FDFT1: variants seen among roughly 807,000 people sequenced by gnomAD.
FDFT1 encodes farnesyl-diphosphate farnesyltransferase 1.
In FDFT1, 68 loss-of-function variants were observed where a neutral mutation model predicts 46.8. The ratio of observed to expected loss-of-function variants is 1.45; its 90% CI spans 1.19 to 1.78. The LOEUF (loss-of-function observed/expected upper bound fraction) is 1.78, where lower values mean the gene tolerates loss of function less well. Among genes scored for constraint, FDFT1 ranks in the 40% most tolerant of loss-of-function variants. FDFT1 has a pLI of 0.00. For missense variants in FDFT1, 928 were observed against 524.4 expected, an observed-to-expected ratio of 1.77 and a Z score of -7.52; for synonymous variants, 351 against 185.1, an observed-to-expected ratio of 1.90 and a Z score of -7.28.
chr8:11,797,638 C>CAAAAAAAAAAAAA (rs34350077), upstream of FDFT1, among the ~76,000 whole-genome samples: 2 of 75,512 alleles, frequency 2.6e-5, no homozygotes, highest in Non-Finnish European at 4.6e-5. Context: ...CACACACACT[C>CAAAAAAAAAAAAA]AAAAAAAAAA....
rs961226120 is a variant in FDFT1 at position 11,832,614 on chromosome 8, C to G, written c.1032+944C>G. Among the ~76,000 whole-genome samples, 4 of 139,840 alleles carry G rather than the reference C, an allele frequency of 2.9e-5. No individual in the cohort carries two copies. The East Asian group carries it at 6.8e-4, about 24-fold the overall frequency. The allele number at this position is 139,840 out of a possible 152,430, so 91.7% of individuals were successfully genotyped here. A position where few individuals can be genotyped will look rare whatever the true frequency, so the allele number is the denominator to read the frequency against. ...AGAAGTCTTTGTAATCTCTAATAATCTCTAGGCCCTAGAGCAGTGGTTTGT... is the reference window on the plus strand; with the variant it reads ...AGAAGTCTTTGTAATCTCTAATAATGTCTAGGCCCTAGAGCAGTGGTTTGT... On this transcript the variant is annotated intron_variant, in intron 7 of 7. Transcript: ENST00000220584.
chr8:11,801,780 G>T, upstream of FDFT1: 1 of 361,272 alleles, frequency 2.8e-6, no homozygotes, highest in Non-Finnish European at 5.4e-6. Flanking sequence ...TGCAAACTCC[G>T]CTTCCCGGGT....
At chr8:11,796,277 G>C (rs1805558108) in intron 1 of FDFT1, among the ~76,000 whole-genome samples, 1 of 152,198 alleles carries the variant, frequency 6.6e-6, no homozygotes, top group Admixed American at 6.5e-5. Flanking sequence ...TTTGTGTTCT[G>C]AGCTTTCTAG....
chr8:11,802,605 C>G (rs368877328), upstream of FDFT1: 1 of 600,928 alleles, frequency 1.7e-6, no homozygotes, highest in African/African-American at 1.9e-5. Context: ...GTGAGCGGCC[C>G]TGGCCAATCA....
intron 7 of FDFT1, 152 bp from the exon 8 acceptor site, chr8:11,838,236 G>A: frequency 1.5e-6 from 1 of 648,446 alleles, no homozygotes; most frequent in Non-Finnish European, 2.7e-6. Context: ...TCATTGGGAT[G>A]GCTTTGGGTA....
chr8:11,812,319 G>A (rs1276156303), intron 3 of FDFT1, among the ~76,000 whole-genome samples: 3 of 152,216 alleles, frequency 2.0e-5, no homozygotes, highest in South Asian at 4.1e-4. Flanking sequence ...AGGTGGGAAC[G>A]TGCCACCATT....
intron 4 of FDFT1, among the ~76,000 whole-genome samples, chr8:11,822,384 A>G (rs539747355): frequency 6.6e-6 from 1 of 152,328 alleles, no homozygotes; most frequent in African/African-American, 2.4e-5. Flanking sequence ...CATGGTCACT[A>G]CGTTAGTGTA....
chr8:11,820,764 A>G (rs555699944), intron 3 of FDFT1, among the ~76,000 whole-genome samples: 1 of 152,216 alleles, frequency 6.6e-6, no homozygotes, highest in Non-Finnish European at 1.5e-5. Context: ...TCCTCCAGGT[A>G]CAGTCACTCA....
Position 11,838,442 on chromosome 8 carries a change from A to G in FDFT1, c.1087A>G (p.Ile363Val), listed in dbSNP as rs759430126. 1 of 1,610,952 alleles carries G rather than the reference A, an allele frequency of 6.2e-7. No individual in the cohort carries two copies. Among genetic ancestry groups the G allele is most frequent in the Non-Finnish European group, 8.5e-7 (1 of 1,178,280 alleles). ...ATCTTCTAGCAAAACAAGGCAGATC[A>G]TCTCCACCATCCGGACGCAGAATCT... ...DPSSSKTRQI[I>V]STIRTQNLPN... The change falls in exon 8 of 8, where the codon ATC becomes GTC. Residue 363 changes from isoleucine (I) to valine (V), a missense_variant. Transcript: ENST00000220584.
At chr8:11,804,638 C>T (rs1806584552) in intron 1 of FDFT1, among the ~76,000 whole-genome samples, 1 of 117,028 alleles carries the variant, frequency 8.5e-6, no homozygotes, top group Non-Finnish European at 1.6e-5. Flanking sequence ...GAGTCTTGCT[C>T]TGTTACCCAG....
intron 7 of FDFT1, among the ~76,000 whole-genome samples, chr8:11,837,692 G>C (rs773239800): frequency 1.3e-5 from 2 of 152,156 alleles, no homozygotes; most frequent in Non-Finnish European, 2.9e-5. Context: ...GCATCAAGCA[G>C]AGGTTTGAGA....
rs139354492 is a variant in FDFT1, at chr8:11,821,827, G to A, written c.459G>A (p.Gly153=). The part of the protein sequence containing the change: ...IADICRRMGI[G]MAEFLDKHVT... ...ACATTTGCCGGAGAATGGGCATTGG[G>A]ATGGCAGAGTTTTTGGATAAGCATG... Residue 153 remains glycine, a synonymous_variant, in exon 4 of 8, where the codon GGG becomes GGA. Transcript: ENST00000220584. The A allele has an allele frequency of 7.7e-3, 12,410 of 1,613,724 alleles. 71 individuals carry two copies. The highest frequency in any genetic ancestry group is 9.6e-3 in the Non-Finnish European group (11,372 of 1,179,680).
chr8:11,823,616 C>A (rs980814463), intron 4 of FDFT1, among the ~76,000 whole-genome samples: 1 of 152,074 alleles, frequency 6.6e-6, no homozygotes, highest in Non-Finnish European at 1.5e-5. Flanking sequence ...ACTCTGTCAC[C>A]CAGACTGGAA....
chr8:11,819,972 T>C (rs189769596), intron 3 of FDFT1, among the ~76,000 whole-genome samples: 45 of 152,236 alleles, frequency 3.0e-4, no homozygotes, highest in African/African-American at 1.1e-3. Context: ...TTTCTCCCCA[T>C]CTTTGTGGTT....
chr8:11,836,211 C>G (rs909729787), intron 7 of FDFT1, among the ~76,000 whole-genome samples: 1 of 152,022 alleles, frequency 6.6e-6, no homozygotes, highest in Middle Eastern at 3.4e-3. Flanking sequence ...AAACTATTCT[C>G]AGGGTCATTG....
chr8:11,797,955 C>T (rs1448692421), upstream of FDFT1: 21 of 152,252 alleles, frequency 1.4e-4, no homozygotes, highest in Admixed American at 1.3e-3. Context: ...ATGTAGATGC[C>T]AAATGGCAAG....
chr8:11,829,884 T>G (rs185125386), intron 5 of FDFT1, among the ~76,000 whole-genome samples: 9 of 149,274 alleles, frequency 6.0e-5, no homozygotes, highest in African/African-American at 1.8e-4. Context: ...GTCTCACTCT[T>G]TCACCCAGGC....
upstream of FDFT1, among the ~76,000 whole-genome samples, chr8:11,798,568 T>TCAATGA (rs1315817760): frequency 6.6e-6 from 1 of 152,246 alleles, no homozygotes; most frequent in African/African-American, 2.4e-5. Context: ...AAGGGCGTTA[T>TCAATGA]CAATGACACC....
intron 7 of FDFT1, among the ~76,000 whole-genome samples, chr8:11,835,320 A>G (rs1001665110): frequency 2.0e-5 from 3 of 152,172 alleles, no homozygotes; most frequent in African/African-American, 7.2e-5. Flanking sequence ...GCAACGAAGC[A>G]TCTAGAAGGT....
Sources: gnomAD v4.1 joint callset for allele counts (sites outside exome capture counted in the v4.1 genomes callset) on GRCh38, gnomAD v4.1.1 for gene constraint, MANE v1.5 for transcripts, NCBI Gene and HGNC (gene_info 2026-07-23, HGNC 2026-07-21) for gene names.